RAG1: variants seen among roughly 807,000 people sequenced by gnomAD.
The protein encoded by RAG1 is recombination activating 1.
Under a neutral mutation model 62.7 loss-of-function variants are expected in RAG1, and 35 were observed. The ratio of observed to expected loss-of-function variants is 0.56; its 90% CI spans 0.43 to 0.74. The LOEUF (loss-of-function observed/expected upper bound fraction) is 0.74, where lower values mean the gene tolerates loss of function less well. RAG1 is among the 30% of genes least tolerant of loss of function. The pLI, the probability that RAG1 is intolerant of heterozygous loss-of-function variation, is 0.00. For synonymous variants in RAG1, 461 were observed against 470.3 expected, an observed-to-expected ratio of 0.98 and a Z score of 0.26; for missense variants, 1,169 against 1,278.6, an observed-to-expected ratio of 0.91 and a Z score of 1.31.
chr11:36,574,444 G>A lies in RAG1; in HGVS notation c.1140G>A (p.Lys380=). The change falls in exon 2 of 2, where the codon AAG becomes AAA. Residue 380 remains lysine, a synonymous_variant. Coordinates refer to ENST00000299440, the MANE Select transcript of RAG1 (RefSeq NM_000448.3). The part of the protein sequence containing the change: ...EKYNHHISSH[K]ESKEIFVHIN... Reference sequence around the variant, plus strand: ...ATAATCACCACATCTCAAGTCACAAGGAATCAAAAGAGATTTTTGTGCACA... The same window carrying A: ...ATAATCACCACATCTCAAGTCACAAAGAATCAAAAGAGATTTTTGTGCACA... 1 of 1,614,202 alleles carries A rather than the reference G, an allele frequency of 6.2e-7. No homozygotes were observed. The highest frequency in any genetic ancestry group is 8.5e-7 in the Non-Finnish European group (1 of 1,180,050).
chr11:36,539,634 G>A (rs1289221210), downstream of RAG1, among the ~76,000 whole-genome samples: 2 of 152,090 alleles, frequency 1.3e-5, no homozygotes, highest in Non-Finnish European at 2.9e-5. Flanking sequence ...ACAGGTACCT[G>A]CCACCACGCC....
At chr11:36,528,115 C>G (rs915593334) in intron 2 of RAG1, among the ~76,000 whole-genome samples, 1 of 152,006 alleles carries the variant, frequency 6.6e-6, no homozygotes, top group Non-Finnish European at 1.5e-5. Flanking sequence ...ATATTCAGGA[C>G]TTGAACTCAG....
chr11:36,536,026 G>A (rs1860321823), downstream of RAG1: 5 of 152,224 alleles, frequency 3.3e-5, no homozygotes, highest in South Asian at 1.0e-3. Flanking sequence ...TTCCTGCAGA[G>A]TTAACTAGGT....
intron 1 of RAG1, among the ~76,000 whole-genome samples, chr11:36,519,445 T>C (rs942932494): frequency 2.8e-4 from 42 of 152,256 alleles, no homozygotes; most frequent in African/African-American, 9.6e-4. Context: ...TGTCATCAAA[T>C]GTTTCAGGAT....
At chr11:36,572,323 CT>C (rs1298739139) in intron 1 of RAG1, among the ~76,000 whole-genome samples, 1 of 152,312 alleles carries the variant, frequency 6.6e-6, no homozygotes, top group East Asian at 1.9e-4. Flanking sequence ...CATTGTTTGA[CT>C]TTTTTTCTGC....
downstream of RAG1, among the ~76,000 whole-genome samples, chr11:36,539,944 T>C: frequency 6.6e-6 from 1 of 152,242 alleles, no homozygotes; most frequent in South Asian, 2.1e-4. Context: ...AGCAGTTATG[T>C]TCTATTTTGT....
In RAG1 at chr11:36,568,060, T is replaced by C. The variant is rs1850684590; in HGVS notation, c.-77T>C. ...AACACACTTTGCCTTCTCTTTGGTATTGAGTAATATCAACCAAATTGCAGA... is the reference window on the plus strand; with the variant it reads ...AACACACTTTGCCTTCTCTTTGGTACTGAGTAATATCAACCAAATTGCAGA... On this transcript the variant is annotated 5_prime_UTR_variant, in exon 1 of 2. Coordinates refer to ENST00000299440, the MANE Select transcript of RAG1 (RefSeq NM_000448.3). The C allele has an allele frequency of 6.6e-6, 1 of 152,240 alleles. No individual in the cohort carries two copies. The highest frequency in any genetic ancestry group is 2.1e-4 in the South Asian group (1 of 4,830). 9.4% of individuals were successfully genotyped at this position (152,240 alleles called of 1,614,324 possible).
At chr11:36,558,023 C>T (rs1192645475) in intron 3 of RAG1, among the ~76,000 whole-genome samples, 1 of 152,078 alleles carries the variant, frequency 6.6e-6, no homozygotes, top group Non-Finnish European at 1.5e-5. Flanking sequence ...AGCCCAGAGG[C>T]TTTGGTATAT....
chr11:36,521,652 T>C (rs966029256), intron 2 of RAG1, among the ~76,000 whole-genome samples: 1 of 152,106 alleles, frequency 6.6e-6, no homozygotes. Context: ...ACTTTGGAAC[T>C]AGATAACAGG....
At chr11:36,539,909 T>C (rs1860389448), downstream of RAG1, among the ~76,000 whole-genome samples, 1 of 152,230 alleles carries the variant, frequency 6.6e-6, no homozygotes, top group East Asian at 1.9e-4. Flanking sequence ...CTGAAACATT[T>C]CTTTTAGTTT....
At chr11:36,537,311 CA>C (rs930125214), downstream of RAG1, among the ~76,000 whole-genome samples, 19 of 151,888 alleles carry the variant, frequency 1.3e-4, no homozygotes, top group African/African-American at 4.6e-4. Flanking sequence ...AAAAGCAAAA[CA>C]AAACAAAATG....
chr11:36,563,142 A>C (rs2133282337), upstream of RAG1, among the ~76,000 whole-genome samples: 1 of 152,318 alleles, frequency 6.6e-6, no homozygotes, highest in Admixed American at 6.5e-5. Flanking sequence ...GGTTAATCTT[A>C]TGTGTCAGCT....
At chr11:36,529,030 C>T (rs756673943) in intron 2 of RAG1, among the ~76,000 whole-genome samples, 15 of 152,066 alleles carry the variant, frequency 9.9e-5, no homozygotes, top group African/African-American at 2.2e-4. Context: ...AGTCCAGGAC[C>T]GGACGGATTC....
intron 3 of RAG1, among the ~76,000 whole-genome samples, chr11:36,544,346 C>T (rs1850360796): frequency 6.6e-6 from 1 of 152,102 alleles, no homozygotes; most frequent in African/African-American, 2.4e-5. Flanking sequence ...GTGGTGTAGC[C>T]ACTCTGATAG....
intron 3 of RAG1, among the ~76,000 whole-genome samples, chr11:36,560,176 T>G (rs1850562295): frequency 6.6e-6 from 1 of 152,154 alleles, no homozygotes; most frequent in Non-Finnish European, 1.5e-5. Flanking sequence ...TTGCTGGGGT[T>G]GGGGAATGAT....
intron 2 of RAG1, among the ~76,000 whole-genome samples, chr11:36,524,552 A>G (rs1029675918): frequency 6.6e-6 from 1 of 151,206 alleles, no homozygotes; most frequent in Non-Finnish European, 1.5e-5. Context: ...CAGTGATGCA[A>G]TCAGTGCACA....
At position 36,575,037 on chromosome 11, in the gene RAG1, T is replaced by C. The variant is rs1564989371; in HGVS notation, c.1733T>C (p.Leu578Ser). 1.9e-6 allele frequency: 3 copies of C among 1,614,052 alleles called. No individual in the cohort carries two copies. Among genetic ancestry groups the C allele is most frequent in the African/African-American group, 2.7e-5 (2 of 74,918 alleles). Residue 578 changes from leucine to serine, a missense_variant, in exon 2 of 2, where the codon TTG (leucine) becomes TCG (serine). Physicochemically the swap from Leu to Ser is moderately radical, Grantham distance 145. Transcript: ENST00000299440. This position sits in a 1 kb window ranked among gnomAD's most constrained non-coding sequence, Gnocchi z 4.1. ...TTGATGGACATGGAAGAAGACATCT[T>C]GGAAGGCATGAGATCCCAAGACCTT... The part of the protein sequence containing the change: ...SALMDMEEDI[L>S]EGMRSQDLDD...
At chr11:36,522,248 G>A (rs988434800) in intron 2 of RAG1, among the ~76,000 whole-genome samples, 1 of 152,196 alleles carries the variant, frequency 6.6e-6, no homozygotes, top group Non-Finnish European at 1.5e-5. Context: ...AAGTGGTTTT[G>A]TGGTCCCGGC....
chr11:36,572,307 A>G (rs1300180748), intron 1 of RAG1, among the ~76,000 whole-genome samples: 1 of 152,228 alleles, frequency 6.6e-6, no homozygotes, highest in African/African-American at 2.4e-5. Context: ...AGTACACTTC[A>G]CATGGCATTG....
Sources: gnomAD v4.1 joint callset for allele counts (sites outside exome capture counted in the v4.1 genomes callset) on GRCh38, gnomAD v4.1.1 for gene constraint, Gnocchi (gnomAD v3.1) non-coding constraint, MANE v1.5 for transcripts, NCBI Gene and HGNC (gene_info 2026-07-23, HGNC 2026-07-21) for gene names.